The following PRR16 variants were observed in gnomAD, a reference collection of about 807,000 sequenced individuals.
The protein encoded by PRR16 is proline rich 16.
Under a neutral mutation model 18.2 loss-of-function variants are expected in PRR16, and 6 were observed. That is an observed-to-expected ratio of 0.33 (90% CI 0.18 to 0.65). The LOEUF (loss-of-function observed/expected upper bound fraction) is 0.65, where lower values mean the gene tolerates loss of function less well. Among genes scored for constraint, PRR16 ranks in the 30% least tolerant of loss-of-function variants. The pLI is 0.74. For synonymous variants in PRR16, 151 were observed against 147.8 expected (o/e 1.02, Z -0.16); for missense variants, 412 against 376.6 (o/e 1.09, Z -0.78).
chr5:120,518,797 T>A (rs947331084), intron 1 of PRR16, among the ~76,000 whole-genome samples: 1 of 152,070 alleles, frequency 6.6e-6, no homozygotes, highest in Non-Finnish European at 1.5e-5. Flanking sequence ...GCAAAGGGAA[T>A]GTATGTGACT....
At chr5:120,576,817 G>T (rs1307888615) in intron 1 of PRR16, among the ~76,000 whole-genome samples, 1 of 152,006 alleles carries the variant, frequency 6.6e-6, no homozygotes, top group East Asian at 1.9e-4. Context: ...CTCTACCATT[G>T]GCTCTCCTGG....
At chr5:120,540,816 A>C (rs1466921714) in intron 1 of PRR16, among the ~76,000 whole-genome samples, 1 of 151,890 alleles carries the variant, frequency 6.6e-6, no homozygotes, top group African/African-American at 2.4e-5. Context: ...AGAATAGATC[A>C]ACACTCTCTT....
the PRR16 span, among the ~76,000 whole-genome samples, chr5:120,789,327 T>A: frequency 6.6e-6 from 1 of 152,136 alleles, no homozygotes; most frequent in Admixed American, 6.6e-5. Flanking sequence ...GTCAGGGTGA[T>A]AATTGTGGCA....
At chr5:120,497,823 T>G (rs965040539) in intron 1 of PRR16, among the ~76,000 whole-genome samples, 1 of 151,304 alleles carries the variant, frequency 6.6e-6, no homozygotes, top group Non-Finnish European at 1.5e-5. Context: ...TTATATATAT[T>G]TTTTTATTTG....
intron 1 of PRR16, chr5:120,465,675 C>T (rs1347815269): frequency 6.6e-6 from 1 of 152,000 alleles, no homozygotes; most frequent in Admixed American, 6.6e-5. Flanking sequence ...TCCCAGCGCG[C>T]CGCTCACTAC....
intron 1 of PRR16, among the ~76,000 whole-genome samples, chr5:120,610,255 A>G (rs567303425): frequency 6.6e-6 from 1 of 151,938 alleles, no homozygotes; most frequent in African/African-American, 2.4e-5. Flanking sequence ...TTCTTTATTT[A>G]GACTCTGAAT....
intron 1 of PRR16, among the ~76,000 whole-genome samples, chr5:120,473,094 T>C (rs1414910133): frequency 2.0e-5 from 3 of 152,176 alleles, no homozygotes; most frequent in Admixed American, 6.5e-5. Flanking sequence ...CATATATGAA[T>C]AAGCTTAGTG....
Position 120,529,549 on chromosome 5 carries a change from C to G in PRR16, c.159+64904C>G, listed in dbSNP as rs570741402. 2.8e-4 allele frequency among the ~76,000 whole-genome samples: 42 copies of G among 152,236 alleles called. 1 individual carries two copies. The highest frequency in any genetic ancestry group is 6.8e-3 in the Middle Eastern group (2 of 294). ...TATAACAAACTCTGGTGATATTTATCTATTTGAATTAAGTGCAAAAATTCC... is the reference window on the plus strand; with the variant it reads ...TATAACAAACTCTGGTGATATTTATGTATTTGAATTAAGTGCAAAAATTCC... On this transcript the variant is annotated intron_variant, in intron 1 of 1. Coordinates refer to ENST00000407149, the MANE Select transcript of PRR16 (RefSeq NM_001300783.2).
chr5:120,590,569 A>G (rs1378800100), intron 1 of PRR16, among the ~76,000 whole-genome samples: 1 of 152,110 alleles, frequency 6.6e-6, no homozygotes, highest in Non-Finnish European at 1.5e-5. Context: ...AATTATAGCT[A>G]ATTTATCTAG....
intron 1 of PRR16, among the ~76,000 whole-genome samples, chr5:120,596,176 A>C (rs559086589): frequency 6.7e-6 from 1 of 148,882 alleles, no homozygotes; most frequent in African/African-American, 2.5e-5. Context: ...CATTGTGATC[A>C]ATTTACTTAT....
At chr5:120,580,003 G>A (rs761976091) in intron 1 of PRR16, among the ~76,000 whole-genome samples, 6 of 152,164 alleles carry the variant, frequency 3.9e-5, no homozygotes, top group Non-Finnish European at 7.4e-5. Flanking sequence ...AATTGTGAAT[G>A]AGAGTTCATT....
intron 1 of PRR16, among the ~76,000 whole-genome samples, chr5:120,535,070 T>G (rs1018555324): frequency 1.0e-5 from 1 of 96,432 alleles, no homozygotes; most frequent in Non-Finnish European, 2.1e-5. Context: ...TTGAACTCAC[T>G]TTACACGTGT....
chr5:120,769,708 C>T, the PRR16 span, among the ~76,000 whole-genome samples: 3 of 151,818 alleles, frequency 2.0e-5, no homozygotes, highest in South Asian at 6.2e-4. Flanking sequence ...GATTTCAATT[C>T]ATTTGGATAT....
At chr5:120,767,145 C>G in the PRR16 span, among the ~76,000 whole-genome samples, 1 of 151,862 alleles carries the variant, frequency 6.6e-6, no homozygotes, top group Non-Finnish European at 1.5e-5. Context: ...CAAGAATTAA[C>G]AGCAAATAAT....
At chr5:120,633,757 CA>C (rs1399058822) in intron 1 of PRR16, among the ~76,000 whole-genome samples, 2 of 41,868 alleles carry the variant, frequency 4.8e-5, no homozygotes, top group Non-Finnish European at 1.3e-4. Flanking sequence ...ATGAGATAGA[CA>C]GCAACACAAT....
At chr5:120,590,102 C>T (rs1753582739) in intron 1 of PRR16, among the ~76,000 whole-genome samples, 1 of 152,064 alleles carries the variant, frequency 6.6e-6, no homozygotes, top group Non-Finnish European at 1.5e-5. Context: ...AAACATTTAG[C>T]TGTAAGAGTA....
chr5:120,744,877 A>G, the PRR16 span, among the ~76,000 whole-genome samples: 1 of 152,170 alleles, frequency 6.6e-6, no homozygotes, highest in Non-Finnish European at 1.5e-5. Context: ...CTGAAACTAG[A>G]TATAAAACTA....
chr5:120,542,839 C>G (rs572568676), intron 1 of PRR16, among the ~76,000 whole-genome samples: 4 of 152,152 alleles, frequency 2.6e-5, no homozygotes, highest in African/African-American at 9.6e-5. Context: ...GTGACGACAC[C>G]TAAGATAGTG....
At chr5:120,553,544 A>G (rs1449653447) in intron 1 of PRR16, among the ~76,000 whole-genome samples, 1 of 151,968 alleles carries the variant, frequency 6.6e-6, no homozygotes, top group Non-Finnish European at 1.5e-5. Flanking sequence ...TCATTAGATC[A>G]TTATAATCTT....
Sources: gnomAD v4.1 joint callset for allele counts (sites outside exome capture counted in the v4.1 genomes callset) on GRCh38, gnomAD v4.1.1 for gene constraint, MANE v1.5 for transcripts, NCBI Gene and HGNC (gene_info 2026-07-23, HGNC 2026-07-21) for gene names.